Variants in CRACD observed in about 807,000 individuals in gnomAD.
The protein encoded by CRACD is capping protein inhibiting regulator of actin dynamics.
In CRACD, 56 loss-of-function variants were observed where a neutral mutation model predicts 106.8. The observed-to-expected ratio is 0.52, with a 90% confidence interval of 0.42 to 0.66. The LOEUF (loss-of-function observed/expected upper bound fraction) is 0.66, where lower values mean the gene tolerates loss of function less well. Ranked by LOEUF, CRACD falls within the 30% of genes least tolerant of loss-of-function variation. The pLI, the probability that CRACD is intolerant of heterozygous loss-of-function variation, is 0.00. For synonymous variants in CRACD, 754 were observed against 670.8 expected (o/e 1.12, Z -1.92); for missense variants, 1,730 against 1,623.2 (o/e 1.07, Z -1.13).
chr4:56,308,038 G>A lies in CRACD; in HGVS notation c.285+339G>A, dbSNP rs79723774. On this transcript the variant is annotated intron_variant, in intron 5 of 10. Coordinates refer to ENST00000682029, the MANE Select transcript of CRACD (RefSeq NM_001393381.1). ...TGTGTGTCTTTACCATTTTTCACAC[G>A]TCTGTTCTCCCTATCTATGTCCATG... 8.9e-3 allele frequency among the ~76,000 whole-genome samples: 1,357 copies of A among 152,204 alleles called. 18 individuals carry two copies. Among genetic ancestry groups the A allele is most frequent in the African/African-American group, 0.019 (777 of 41,524 alleles).
chr4:56,101,271 T>C (rs1055250936), intron 1 of CRACD, among the ~76,000 whole-genome samples: 1 of 150,928 alleles, frequency 6.6e-6, no homozygotes, highest in Non-Finnish European at 1.5e-5. Context: ...GTTGTTGTTG[T>C]TGCTGTTATA....
intron 2 of CRACD, among the ~76,000 whole-genome samples, chr4:56,208,964 GA>G (rs996164918): frequency 6.6e-6 from 1 of 151,948 alleles, no homozygotes; most frequent in Non-Finnish European, 1.5e-5. Flanking sequence ...GCGTGAGGCA[GA>G]ATCTGTCTCT....
intron 1 of CRACD, among the ~76,000 whole-genome samples, chr4:56,144,843 G>A (rs1047742692): frequency 3.9e-5 from 6 of 151,902 alleles, no homozygotes; most frequent in Admixed American, 1.3e-4. Context: ...TAGTAGAGAC[G>A]GTGTTTTGCT....
chr4:56,115,402 A>G (rs1247271959), intron 1 of CRACD, among the ~76,000 whole-genome samples: 1 of 152,206 alleles, frequency 6.6e-6, no homozygotes, highest in Non-Finnish European at 1.5e-5. Flanking sequence ...TGTAGATGGA[A>G]ATAATTGCTG....
chr4:56,318,977 G>A (rs1414434659), intron 8 of CRACD, among the ~76,000 whole-genome samples: 4 of 152,000 alleles, frequency 2.6e-5, no homozygotes, highest in South Asian at 2.1e-4. Flanking sequence ...TGATTTCTTC[G>A]GAAGTAGCAG....
intron 2 of CRACD, among the ~76,000 whole-genome samples, chr4:56,206,360 T>G (rs1738121648): frequency 6.6e-6 from 1 of 152,124 alleles, no homozygotes; most frequent in South Asian, 2.1e-4. Context: ...AGAAGCAGGA[T>G]GAAGCAAGGG....
At chr4:56,285,845 C>T (rs1743310337) in intron 3 of CRACD, among the ~76,000 whole-genome samples, 1 of 152,164 alleles carries the variant, frequency 6.6e-6, no homozygotes, top group Admixed American at 6.5e-5. Context: ...ACTGAGGCAC[C>T]TGGAGGTTTA....
chr4:56,121,168 T>C (rs1425741369), intron 1 of CRACD, among the ~76,000 whole-genome samples: 1 of 152,192 alleles, frequency 6.6e-6, no homozygotes, highest in Non-Finnish European at 1.5e-5. Context: ...GATATTTTAG[T>C]TTTAGTTTTA....
intron 2 of CRACD, among the ~76,000 whole-genome samples, chr4:56,221,093 T>C (rs1032655883): frequency 6.6e-6 from 1 of 152,114 alleles, no homozygotes; most frequent in Admixed American, 6.6e-5. Flanking sequence ...TTATGAAAGA[T>C]GTTGAATATT....
At chr4:56,261,707 A>T (rs1741716560) in intron 2 of CRACD, among the ~76,000 whole-genome samples, 1 of 152,148 alleles carries the variant, frequency 6.6e-6, no homozygotes, top group Non-Finnish European at 1.5e-5. Context: ...AAACATATAT[A>T]AAAGGAGGTT....
intron 2 of CRACD, among the ~76,000 whole-genome samples, chr4:56,222,999 TAATTA>T (rs1188588712): frequency 2.7e-5 from 4 of 148,446 alleles, no homozygotes; most frequent in Non-Finnish European, 6.0e-5. Context: ...AAAAATTAAT[TAATTA>T]AATTAAAGAA....
chr4:56,284,302 A>AAAAAAAG (rs1743206051), intron 3 of CRACD, among the ~76,000 whole-genome samples: 2 of 150,208 alleles, frequency 1.3e-5, no homozygotes, highest in Non-Finnish European at 3.0e-5. Flanking sequence ...TAAAAAAAAA[A>AAAAAAAG]AAAAAAAAAA....
intron 1 of CRACD, among the ~76,000 whole-genome samples, chr4:56,160,779 G>C (rs1006882466): frequency 6.6e-6 from 1 of 152,186 alleles, no homozygotes; most frequent in African/African-American, 2.4e-5. Flanking sequence ...CACCTGTTAC[G>C]TGATAAACTC....
intron 5 of CRACD, 39 bp downstream of exon 5, chr4:56,307,738 C>T: frequency 6.2e-7 from 1 of 1,607,668 alleles, no homozygotes; most frequent in Non-Finnish European, 8.5e-7. Context: ...GGCTCATAAA[C>T]CAGGGCAGGA....
intron 1 of CRACD, among the ~76,000 whole-genome samples, chr4:56,133,215 AT>A (rs1215501315): frequency 2.6e-5 from 4 of 152,236 alleles, no homozygotes; most frequent in African/African-American, 9.6e-5. Flanking sequence ...GATGATGCAA[AT>A]TGTGTTTTAT....
In CRACD at chr4:56,065,480, G is replaced by A. The variant is rs1454142952; in HGVS notation, c.-336+16181G>A. Among the ~76,000 whole-genome samples, 7 of 152,154 alleles carry A rather than the reference G, an allele frequency of 4.6e-5. No homozygotes were observed. The South Asian group carries it at 1.2e-3, about 27-fold the overall frequency. On this transcript the variant is annotated intron_variant, in intron 1 of 10. Coordinates refer to ENST00000682029, the MANE Select transcript of CRACD (RefSeq NM_001393381.1). Reference sequence around the variant, plus strand: ...CTTGTTTGTGGGGCGAGGCTTCTGGGAGAAGTATCTTAGCCTTTTCCTTGT... The same window carrying A: ...CTTGTTTGTGGGGCGAGGCTTCTGGAAGAAGTATCTTAGCCTTTTCCTTGT...
intron 2 of CRACD, among the ~76,000 whole-genome samples, chr4:56,248,011 G>T (rs1740793587): frequency 6.6e-6 from 1 of 152,130 alleles, no homozygotes; most frequent in African/African-American, 2.4e-5. Context: ...GTATACCCAA[G>T]GAAATGAATA....
intron 2 of CRACD, among the ~76,000 whole-genome samples, chr4:56,261,532 T>G (rs971172793): frequency 2.6e-5 from 4 of 151,958 alleles, no homozygotes; most frequent in Non-Finnish European, 4.4e-5. Context: ...TGTGTTTTTA[T>G]AGAAATGGGG....
At position 56,329,465 on chromosome 4, in the gene CRACD, T is replaced by C. The variant is rs1367802073; in HGVS notation, c.*1661T>C. On this transcript the variant is annotated 3_prime_UTR_variant, in exon 11 of 11. Coordinates refer to ENST00000682029, the MANE Select transcript of CRACD (RefSeq NM_001393381.1). ...TACCATGTAGAAACCATTTTCTTTC[T>C]AGAAACAATAGCTCAGCCTCACTGT... Among the ~76,000 whole-genome samples the C allele has an allele frequency of 6.6e-6, 1 of 152,232 alleles. No homozygotes were observed. Among genetic ancestry groups the C allele is most frequent in the Non-Finnish European group, 1.5e-5 (1 of 68,030 alleles).
Sources: gnomAD v4.1 joint callset for allele counts (sites outside exome capture counted in the v4.1 genomes callset) on GRCh38, gnomAD v4.1.1 for gene constraint, MANE v1.5 for transcripts, NCBI Gene and HGNC (gene_info 2026-07-23, HGNC 2026-07-21) for gene names.